The following CALN1 variants were observed in gnomAD, a reference collection of about 807,000 sequenced individuals.
CALN1 encodes the protein calneuron 1.
In CALN1, 17 loss-of-function variants were observed where a neutral mutation model predicts 30.6. That is an observed-to-expected ratio of 0.56 (90% CI 0.38 to 0.83). The LOEUF is 0.83. CALN1 is among the 40% of genes least tolerant of loss of function. CALN1 has a pLI of 0.00. For missense variants in CALN1, 291 were observed against 354.9 expected, an observed-to-expected ratio of 0.82 and a Z score of 1.45; for synonymous variants, 156 against 131.4, an observed-to-expected ratio of 1.19 and a Z score of -1.28.
intron 5 of CALN1, among the ~76,000 whole-genome samples, chr7:71,821,284 G>T (rs1788570771): frequency 6.6e-6 from 1 of 152,114 alleles, no homozygotes; most frequent in African/African-American, 2.4e-5. Flanking sequence ...CACAGAGTGT[G>T]ACTTTTATCT....
chr7:72,250,611 A>T (rs1795486401), intron 3 of CALN1, among the ~76,000 whole-genome samples: 1 of 152,032 alleles, frequency 6.6e-6, no homozygotes, highest in African/African-American at 2.4e-5. Flanking sequence ...CATGGGGCGG[A>T]TCCCTCATGA....
chr7:72,353,912 C>T (rs539422222), intron 2 of CALN1, among the ~76,000 whole-genome samples: 189 of 152,268 alleles, frequency 1.2e-3, no homozygotes, highest in African/African-American at 4.4e-3. Context: ...TCAGGCCGGG[C>T]GTAGTGGCTC....
At chr7:72,302,653 G>A (rs1274119756) in intron 2 of CALN1, among the ~76,000 whole-genome samples, 1 of 151,960 alleles carries the variant, frequency 6.6e-6, no homozygotes, top group African/African-American at 2.4e-5. Context: ...CAGCACTTTG[G>A]GAGGCCAAGG....
chr7:72,197,053 C>G (rs1482351502), intron 3 of CALN1, among the ~76,000 whole-genome samples: 1 of 152,006 alleles, frequency 6.6e-6, no homozygotes, highest in Non-Finnish European at 1.5e-5. Flanking sequence ...GAAATTTTAC[C>G]TCTGGGTAAT....
intron 5 of CALN1, among the ~76,000 whole-genome samples, chr7:71,896,988 C>T (rs2116915166): frequency 6.6e-6 from 1 of 152,210 alleles, no homozygotes; most frequent in Non-Finnish European, 1.5e-5. Flanking sequence ...TTCAATGAGC[C>T]AGGAAATAAG....
intron 3 of CALN1, among the ~76,000 whole-genome samples, chr7:72,235,972 A>G (rs564398957): frequency 1.1e-4 from 16 of 151,686 alleles, no homozygotes; most frequent in African/African-American, 3.9e-4. Context: ...GGCCAGGCAC[A>G]GTGGCTCATA....
At chr7:72,453,169 T>C in the CALN1 span, among the ~76,000 whole-genome samples, 2 of 152,156 alleles carry the variant, frequency 1.3e-5, no homozygotes, top group Non-Finnish European at 2.9e-5. Context: ...AATTGGGGCT[T>C]AGGCTGGGAA....
chr7:72,464,990 C>A, the CALN1 span, among the ~76,000 whole-genome samples: 2 of 152,154 alleles, frequency 1.3e-5, no homozygotes, highest in Non-Finnish European at 2.9e-5. Flanking sequence ...TGTACTCAGG[C>A]ACAGCCTCAG....
intron 3 of CALN1, among the ~76,000 whole-genome samples, chr7:72,221,068 T>C (rs1213816991): frequency 1.3e-5 from 2 of 152,206 alleles, no homozygotes; most frequent in African/African-American, 2.4e-5. Context: ...TTTGTCAATT[T>C]TGGCTTTTGT....
intron 5 of CALN1, among the ~76,000 whole-genome samples, chr7:71,899,850 G>GA (rs762016472): frequency 5.3e-5 from 8 of 151,688 alleles, no homozygotes; most frequent in South Asian, 2.1e-4. Context: ...TGATTCTCTG[G>GA]AAAAAAAATG....
In CALN1 at chr7:72,237,244, A is replaced by G. The variant is rs947805447; in HGVS notation, c.244+41442T>C. Among the ~76,000 whole-genome samples the G allele has an allele frequency of 2.6e-5, 4 of 152,202 alleles. No homozygotes were observed. In the South Asian group the frequency reaches 8.3e-4, roughly 32 times the overall value. ...GGTGATCCGCCCGGCTCAGCCTCCC[A>G]AAGTGCTAGGATTACAGGCATGAGC... is the stretch of plus-strand genomic sequence containing the variant. On this transcript the variant is annotated intron_variant, in intron 3 of 6. Transcript: ENST00000395275.
Position 72,249,946 on chromosome 7 carries a change from C to CAAA in CALN1, c.244+28737_244+28739dup, listed in dbSNP as rs386410444. On this transcript the variant is annotated intron_variant, in intron 3 of 6. Coordinates refer to ENST00000395275, the MANE Select transcript of CALN1 (RefSeq NM_031468.4). ...AGTGAGACCCTATCTCAAAACAAAC[C>CAAA]AAAAAAAAAAAAAAGAGAGAGAGAG... 2.9e-3 allele frequency among the ~76,000 whole-genome samples: 336 copies of CAAA among 117,220 alleles called. 3 individuals carry two copies. The highest frequency in any genetic ancestry group is 8.1e-3 in the South Asian group (26 of 3,220). 76.9% of individuals were successfully genotyped at this position (117,220 alleles called of 152,430 possible).
intron 2 of CALN1, among the ~76,000 whole-genome samples, chr7:72,379,276 T>C (rs1804750338): frequency 6.6e-6 from 1 of 152,168 alleles, no homozygotes. Flanking sequence ...ATTAGAGGTG[T>C]GAAGCACCAC....
rs1787056838 is a variant in CALN1 at position 71,798,117 on chromosome 7, CAG to C, written c.659-10217_659-10216del. Among the ~76,000 whole-genome samples, 34 of 62,320 alleles carry C rather than the reference CAG, an allele frequency of 5.5e-4. No homozygotes were observed. The East Asian group carries it at 8.0e-3, about 15-fold the overall frequency. The allele number at this position is 62,320 out of a possible 152,430, so 40.9% of individuals were successfully genotyped here. On this transcript the variant is annotated intron_variant, in intron 6 of 6. Coordinates refer to ENST00000395275, the MANE Select transcript of CALN1 (RefSeq NM_031468.4). Reference sequence around the variant, plus strand: ...AGAGAGAGACAGAGAGAGACAGAGACAGAGACAGAGAGAGAGAGAGAGAGAGA... The same window carrying C: ...AGAGAGAGACAGAGAGAGACAGAGACAGACAGAGAGAGAGAGAGAGAGAGA...
intron 4 of CALN1, among the ~76,000 whole-genome samples, chr7:72,045,871 T>A (rs844776): frequency 2.0e-5 from 3 of 151,142 alleles, no homozygotes; most frequent in Non-Finnish European, 4.4e-5. Flanking sequence ...GTGGTGGCAG[T>A]TGCCTGTAAT....
At chr7:72,206,605 T>C (rs911008249) in intron 3 of CALN1, among the ~76,000 whole-genome samples, 1 of 152,194 alleles carries the variant, frequency 6.6e-6, no homozygotes, top group African/African-American at 2.4e-5. Flanking sequence ...GTGTTTATTC[T>C]TTTATTTATT....
chr7:72,450,674 G>A (rs1457107325), upstream of CALN1, among the ~76,000 whole-genome samples: 1 of 152,060 alleles, frequency 6.6e-6, no homozygotes, highest in African/African-American at 2.4e-5. Flanking sequence ...GAGTCCAAGA[G>A]TTTGAGACCA....
At chr7:71,932,677 C>T (rs542159173) in intron 5 of CALN1, among the ~76,000 whole-genome samples, 10 of 151,186 alleles carry the variant, frequency 6.6e-5, no homozygotes, top group South Asian at 2.1e-4. Context: ...ATTAGCTGGG[C>T]GTGGTGGCGG....
At chr7:72,192,795 C>A in intron 3 of CALN1, among the ~76,000 whole-genome samples, 1 of 113,948 alleles carries the variant, frequency 8.8e-6, no homozygotes, top group African/African-American at 3.3e-5. Context: ...CGATGCTATC[C>A]CTCCCCCCTC....
Sources: gnomAD v4.1 joint callset for allele counts (sites outside exome capture counted in the v4.1 genomes callset) on GRCh38, gnomAD v4.1.1 for gene constraint, MANE v1.5 for transcripts, NCBI Gene and HGNC (gene_info 2026-07-23, HGNC 2026-07-21) for gene names.